AURKB: variants seen among roughly 807,000 people sequenced by gnomAD.
The protein encoded by AURKB is aurora kinase B.
In AURKB, 28 loss-of-function variants were observed where a neutral mutation model predicts 36.5. That is an observed-to-expected ratio of 0.77 (90% CI 0.57 to 1.05). AURKB has a LOEUF of 1.05. Ranked by LOEUF, AURKB falls within the 50% of genes least tolerant of loss-of-function variation. The pLI is 0.00. For missense variants in AURKB, 383 were observed against 447.4 expected (o/e 0.86, Z 1.30); for synonymous variants, 175 against 172.9 (o/e 1.01, Z -0.09).
In AURKB at chr17:8,210,572, A is replaced by G; in HGVS notation, c.-68T>C. 2.8e-6 allele frequency: 1 copy of G among 359,364 alleles called. No individual in the cohort carries two copies. Among genetic ancestry groups the G allele is most frequent in the South Asian group, 3.3e-5 (1 of 30,194 alleles). 22.3% of individuals were successfully genotyped at this position (359,364 alleles called of 1,614,324 possible). On this transcript the variant is annotated 5_prime_UTR_variant, in exon 1 of 9. Transcript: ENST00000585124. ...GCTACTCTCCCGGCCGCCCGCAAAC[A>G]ACTGAATCTGCCACGCCGCGCCCTG...
intron 2 of AURKB, among the ~76,000 whole-genome samples, chr17:8,208,849 C>T (rs1985747103): frequency 6.6e-6 from 1 of 152,130 alleles, no homozygotes; most frequent in Admixed American, 6.5e-5. Context: ...GGGTTTAGCA[C>T]AGAGGTATTC....
Position 8,206,632 on chromosome 17 carries a change from T to G in AURKB, c.545A>C (p.Glu182Ala). The G allele has an allele frequency of 6.2e-7, 1 of 1,614,156 alleles. No individual in the cohort carries two copies. The highest frequency in any genetic ancestry group is 8.5e-7 in the Non-Finnish European group (1 of 1,180,026). The change falls in exon 7 of 9, where the codon GAG becomes GCG. Residue 182 changes from glutamate to alanine, a missense_variant. Transcript: ENST00000585124. This position sits in a 1 kb window ranked among gnomAD's most constrained non-coding sequence, Gnocchi z 4.2. ...FDEQRTATIM[E>A]ELADALMYCH... Reference sequence around the variant, plus strand: ...GTACATTAGAGCATCTGCCAACTCCTCCATGATCTGGGAGGGGCAACGACA... The same window carrying G: ...GTACATTAGAGCATCTGCCAACTCCGCCATGATCTGGGAGGGGCAACGACA...
At position 8,210,566 on chromosome 17, in the gene AURKB, G is replaced by T. The variant is rs919952790; in HGVS notation, c.-62C>A. ...GGCACTGCTACTCTCCCGGCCGCCC[G>T]CAAACAACTGAATCTGCCACGCCGC... is the stretch of plus-strand genomic sequence containing the variant. On this transcript the variant is annotated 5_prime_UTR_variant, in exon 1 of 9. Transcript: ENST00000585124. 11 of 367,176 alleles carry T rather than the reference G, an allele frequency of 3.0e-5. No individual in the cohort carries two copies. Among genetic ancestry groups the T allele is most frequent in the Admixed American group, 4.8e-5 (1 of 20,794 alleles). The allele number at this position is 367,176 out of a possible 1,614,324, so 22.7% of individuals were successfully genotyped here.
intron 2 of AURKB, among the ~76,000 whole-genome samples, chr17:8,209,477 C>A (rs1985827780): frequency 1.3e-5 from 2 of 152,210 alleles, no homozygotes; most frequent in African/African-American, 4.8e-5. Flanking sequence ...GAAGCAAGAG[C>A]TCCAAAAACA....
At chr17:8,207,898 T>A in intron 2 of AURKB, 58 bp from the exon 3 acceptor site, 1 of 1,411,302 alleles carries the variant, frequency 7.1e-7, no homozygotes, top group South Asian at 1.3e-5. Flanking sequence ...CGGGGTGGAA[T>A]GTGCTGCAAG....
rs201645512 is a variant in AURKB at position 8,206,670 on chromosome 17, A to C, written c.538-31T>G. On this transcript the variant is annotated intron_variant, in intron 6 of 8. Transcript: ENST00000585124. The surrounding 1 kb of genome is among the most constrained non-coding windows in gnomAD (Gnocchi z 4.2). Reference sequence around the variant, plus strand: ...AGGGGCAACGACAGGCAATCAGACAAGGATGGACCTCCAGCTACAAGCAGC... The same window carrying C: ...AGGGGCAACGACAGGCAATCAGACACGGATGGACCTCCAGCTACAAGCAGC... 6.2e-7 allele frequency: 1 copy of C among 1,613,978 alleles called. No individual in the cohort carries two copies. Among genetic ancestry groups the C allele is most frequent in the East Asian group, 2.2e-5 (1 of 44,878 alleles).
rs1196683259 is a variant in AURKB at position 8,206,117 on chromosome 17, C to G, written c.686+374G>C. ...ACCTGCGACCTTGGGGTTATTAGCA[C>G]CACACTCTAACCATTTTTTTTTTTT... On this transcript the variant is annotated intron_variant, in intron 7 of 8. Coordinates refer to ENST00000585124, the MANE Select transcript of AURKB (RefSeq NM_004217.4). This position sits in a 1 kb window ranked among gnomAD's most constrained non-coding sequence, Gnocchi z 4.2. 6.6e-6 allele frequency among the ~76,000 whole-genome samples: 1 copy of G among 150,404 alleles called. No individual in the cohort carries two copies. The highest frequency in any genetic ancestry group is 1.5e-5 in the Non-Finnish European group (1 of 67,726).
At chr17:8,207,465 A>G (rs1421162611) in intron 4 of AURKB, 98 bp from the exon 5 acceptor site, 6 of 1,555,858 alleles carry the variant, frequency 3.9e-6, no homozygotes, top group Non-Finnish European at 4.4e-6. Flanking sequence ...CCTCCGCCCC[A>G]CTTGTCTTCA....
intron 2 of AURKB, chr17:8,209,892 A>T (rs117374701): frequency 2.0e-6 from 1 of 509,150 alleles, no homozygotes; most frequent in African/African-American, 2.0e-5. Context: ...CCTGAAGGCC[A>T]GGCCCTGCCT....
chr17:8,210,100 T>C, intron 2 of AURKB, 77 bp downstream of exon 2: 1 of 1,553,260 alleles, frequency 6.4e-7, no homozygotes, highest in South Asian at 1.1e-5. Flanking sequence ...GATTGCTCAT[T>C]GCAGGATCTC....
In AURKB at chr17:8,205,332, T is replaced by C. The variant is rs756369265; in HGVS notation, c.745A>G (p.Met249Val). 1.1e-5 allele frequency: 18 copies of C among 1,614,050 alleles called. No individual in the cohort carries two copies. Among genetic ancestry groups the C allele is most frequent in the East Asian group, 2.2e-5 (1 of 44,898 alleles). The stretch of plus-strand genomic sequence containing the variant: ...CACAGATCCACCTTCTCATTGTGCA[T>C]GCGCCCCTCAATCATCTCTGGGGGC... ...YLPPEMIEGR[M>V]HNEKVDLWCI... The change falls in exon 8 of 9, where the codon ATG becomes GTG. Residue 249 changes from methionine to valine, a missense_variant. By Grantham distance (21) the Met-to-Val change is conservative (BLOSUM62 1). This residue lies in a region of AURKB where 219 missense variants were observed against 252.6 expected (regional missense o/e 0.87). Coordinates refer to ENST00000585124, the MANE Select transcript of AURKB (RefSeq NM_004217.4).
rs1448332799 is a variant in AURKB at position 8,207,853 on chromosome 17, A to T, written c.49-13T>A. On this transcript the variant is annotated splice_polypyrimidine_tract_variant and intron_variant, in intron 2 of 8. Coordinates refer to ENST00000585124, the MANE Select transcript of AURKB (RefSeq NM_004217.4). ...GGCCAGATGGAGCCTGAGAAGGAGC[A>T]GGGGGTAGCTCTGAGGGTGCCTTTG... 1.2e-6 allele frequency: 2 copies of T among 1,605,010 alleles called. No homozygotes were observed. Among genetic ancestry groups the T allele is most frequent in the Non-Finnish European group, 1.7e-6 (2 of 1,174,978 alleles).
chr17:8,206,967 G>C lies in AURKB; in HGVS notation c.399-79C>G. 2 of 1,600,878 alleles carry C rather than the reference G, an allele frequency of 1.2e-6. No individual in the cohort carries two copies. The highest frequency in any genetic ancestry group is 1.7e-6 in the Non-Finnish European group (2 of 1,174,628). On this transcript the variant is annotated intron_variant, in intron 5 of 8. Transcript: ENST00000585124. The surrounding 1 kb of genome is among the most constrained non-coding windows in gnomAD (Gnocchi z 4.2). ...AGATGATAGGAGCAAACTGGGGTCA[G>C]ACGTGGCCCAGGCCGGGGACACCAG...
intron 7 of AURKB, 137 bp from the exon 8 acceptor site, chr17:8,205,527 G>T: frequency 9.1e-7 from 1 of 1,096,748 alleles, no homozygotes; most frequent in Non-Finnish European, 1.3e-6. Context: ...CACTGGAGTG[G>T]GGGTGGGGTT....
chr17:8,206,648 G>C lies in AURKB; in HGVS notation c.538-9C>G. On this transcript the variant is annotated splice_polypyrimidine_tract_variant and intron_variant, in intron 6 of 8. Transcript: ENST00000585124. This position sits in a 1 kb window ranked among gnomAD's most constrained non-coding sequence, Gnocchi z 4.2. ...GCCAACTCCTCCATGATCTGGGAGG[G>C]GCAACGACAGGCAATCAGACAAGGA... 6.2e-7 allele frequency: 1 copy of C among 1,614,076 alleles called. No homozygotes were observed. The highest frequency in any genetic ancestry group is 1.3e-5 in the African/African-American group (1 of 75,026).
At position 8,207,850 on chromosome 17, in the gene AURKB, A is replaced by G. The variant is rs759239503; in HGVS notation, c.49-10T>C. ...TCAGGCCAGATGGAGCCTGAGAAGG[A>G]GCAGGGGGTAGCTCTGAGGGTGCCT... is the stretch of plus-strand genomic sequence containing the variant. On this transcript the variant is annotated splice_polypyrimidine_tract_variant and intron_variant, in intron 2 of 8. Coordinates refer to ENST00000585124, the MANE Select transcript of AURKB (RefSeq NM_004217.4). 1.2e-6 allele frequency: 2 copies of G among 1,605,394 alleles called. No individual in the cohort carries two copies. Among genetic ancestry groups the G allele is most frequent in the Non-Finnish European group, 1.7e-6 (2 of 1,175,206 alleles).
At chr17:8,210,356 C>T in intron 1 of AURKB, 107 bp from the exon 2 acceptor site, 2 of 800,648 alleles carry the variant, frequency 2.5e-6, no homozygotes, top group Non-Finnish European at 4.1e-6. Context: ...TAAAAGGGAG[C>T]AGGTCAGCAC....
In AURKB at chr17:8,206,407, A is replaced by C. The variant is rs926953461; in HGVS notation, c.686+84T>G. 2 of 1,547,740 alleles carry C rather than the reference A, an allele frequency of 1.3e-6. No individual in the cohort carries two copies. Among genetic ancestry groups the C allele is most frequent in the African/African-American group, 2.7e-5 (2 of 73,448 alleles). On this transcript the variant is annotated intron_variant, in intron 7 of 8. Coordinates refer to ENST00000585124, the MANE Select transcript of AURKB (RefSeq NM_004217.4). The surrounding 1 kb of genome is among the most constrained non-coding windows in gnomAD (Gnocchi z 4.2). ...CGGCCTCCCAAAGTGCTGGGATTACAGGTGTGAGCCACGGTGCACGGCCCC... is the reference window on the plus strand; with the variant it reads ...CGGCCTCCCAAAGTGCTGGGATTACCGGTGTGAGCCACGGTGCACGGCCCC...
At chr17:8,208,416 C>T (rs186261192) in intron 2 of AURKB, among the ~76,000 whole-genome samples, 2,030 of 147,400 alleles carry the variant, frequency 0.014, 23 homozygotes, top group Non-Finnish European at 0.02. Context: ...CAGAGCTAGA[C>T]TCCATCTCAA....
Sources: gnomAD v4.1 joint callset for allele counts (sites outside exome capture counted in the v4.1 genomes callset) on GRCh38, gnomAD v4.1.1 for gene constraint, gnomAD v4.1.1 regional missense constraint, Gnocchi (gnomAD v3.1) non-coding constraint, MANE v1.5 for transcripts, NCBI Gene and HGNC (gene_info 2026-07-23, HGNC 2026-07-21) for gene names.